The following CYP4B1 variants were observed in gnomAD, a reference collection of about 807,000 sequenced individuals.
CYP4B1 encodes the protein cytochrome P450 4B1.
Under a neutral mutation model 54.0 loss-of-function variants are expected in CYP4B1, and 45 were observed. The observed-to-expected ratio is 0.83, with a 90% CI of 0.66 to 1.07. The LOEUF (loss-of-function observed/expected upper bound fraction) is 1.07. CYP4B1 is among the 50% of genes least tolerant of loss of function. The pLI, the probability that CYP4B1 is intolerant of heterozygous loss-of-function variation, is 0.00. For missense variants in CYP4B1, 656 were observed against 655.4 expected (o/e 1.00, Z -0.01); for synonymous variants, 248 against 247.5 (o/e 1.00, Z -0.02).
intron 1 of CYP4B1, among the ~76,000 whole-genome samples, chr1:46,800,248 TCC>T (rs71307624): frequency 6.8e-4 from 55 of 81,078 alleles, no homozygotes; most frequent in African/African-American, 2.1e-3. Flanking sequence ...TTTCCTTCCT[TCC>T]TTCCTTCCTT....
chr1:46,816,568 G>A (rs1352856572), intron 8 of CYP4B1, among the ~76,000 whole-genome samples: 3 of 118,400 alleles, frequency 2.5e-5, no homozygotes, highest in Non-Finnish European at 5.5e-5. Context: ...CTTCCCGGTT[G>A]CCAAAGGGAA....
intron 1 of CYP4B1, among the ~76,000 whole-genome samples, chr1:46,803,936 G>A (rs1227114428): frequency 6.6e-6 from 1 of 152,228 alleles, no homozygotes; most frequent in Non-Finnish European, 1.5e-5. Flanking sequence ...ACATGTGTAT[G>A]AGTGTGGGTT....
chr1:46,817,077 C>A lies in CYP4B1; in HGVS notation c.1103C>A (p.Thr368Asn), dbSNP rs1464999733. ...WDDLGKMTYL[T>N]MCIKESFRLY... ...GATCTGGGCAAAATGACTTATCTGA[C>A]CATGTGCATCAAGGAGAGCTTCCGC... Residue 368 changes from threonine to asparagine, a missense_variant, in exon 9 of 12, where the codon ACC (threonine) becomes AAC (asparagine). Thr to Asn is a moderately conservative substitution (Grantham distance 65). Coordinates refer to ENST00000371923, the MANE Select transcript of CYP4B1 (RefSeq NM_001099772.2). 1.9e-6 allele frequency: 3 copies of A among 1,613,976 alleles called. No individual in the cohort carries two copies. In the African/African-American group the frequency reaches 4.0e-5, roughly 22 times the overall value.
intron 5 of CYP4B1, 105 bp from the exon 6 acceptor site, chr1:46,813,804 G>T: frequency 6.8e-7 from 1 of 1,476,672 alleles, no homozygotes; most frequent in South Asian, 1.2e-5. Flanking sequence ...GGGAGAAGAA[G>T]AGCAGGATGC....
At chr1:46,815,540 C>A (rs1029948154) in intron 8 of CYP4B1, 5 of 294,510 alleles carry the variant, frequency 1.7e-5, no homozygotes, top group Admixed American at 9.3e-5. Context: ...CTTCTTCTGA[C>A]GGTAGAACCT....
In CYP4B1 at chr1:46,818,674, G is replaced by A; in HGVS notation, c.1399G>A (p.Val467Ile). 6.2e-7 allele frequency: 1 copy of A among 1,614,206 alleles called. No homozygotes were observed. Among genetic ancestry groups the A allele is most frequent in the Non-Finnish European group, 8.5e-7 (1 of 1,180,038 alleles). Residue 467 changes from valine (V) to isoleucine (I), a missense_variant, in exon 12 of 12, where the codon GTC (valine) becomes ATC (isoleucine). Coordinates refer to ENST00000371923, the MANE Select transcript of CYP4B1 (RefSeq NM_001099772.2). ...GTTTGCCATGAGTGAGATGAAGGTG[G>A]TCACAGCCATGTGCTTGCTCCGCTT... ...QQFAMSEMKV[V>I]TAMCLLRFEF... is the part of the protein sequence containing the mutation.
chr1:46,809,119 TA>T (rs543714344), intron 1 of CYP4B1, among the ~76,000 whole-genome samples: 26,642 of 143,210 alleles, frequency 0.19, 2,367 homozygotes, highest in East Asian at 0.2. Context: ...TAAAGTATAA[TA>T]AAAAAAACCC....
chr1:46,817,055 C>G lies in CYP4B1; in HGVS notation c.1081C>G (p.Leu361Val), dbSNP rs1679362420. Reference sequence around the variant, plus strand: ...TGGTTGTGTTGCTGGCAGGGATGATCTGGGCAAAATGACTTATCTGACCAT... The same window carrying G: ...TGGTTGTGTTGCTGGCAGGGATGATGTGGGCAAAATGACTTATCTGACCAT... ...GDQDFFQWDD[L>V]GKMTYLTMCI... Residue 361 changes from leucine (L) to valine (V), a missense_variant, in exon 9 of 12, where the codon CTG (leucine) becomes GTG (valine). Transcript: ENST00000371923. The G allele has an allele frequency of 6.2e-7, 1 of 1,613,866 alleles. No individual in the cohort carries two copies.
Position 46,812,503 on chromosome 1 carries a change from C to G in CYP4B1, c.375C>G (p.Gly125=), listed in dbSNP as rs753069733. Residue 125 remains glycine, a synonymous_variant, in exon 4 of 12, where the codon GGC becomes GGG. Coordinates refer to ENST00000371923, the MANE Select transcript of CYP4B1 (RefSeq NM_001099772.2). ...YDFFLQWIGR[G]LLVLEGPKWL... ...CTCCCATCCCTTCCCCAGGGAGAGG[C>G]CTGCTGGTTCTTGAGGGGCCCAAGT... The G allele has an allele frequency of 1.9e-6, 3 of 1,612,662 alleles. No homozygotes were observed. The highest frequency in any genetic ancestry group is 1.3e-5 in the African/African-American group (1 of 74,904).
At chr1:46,803,530 T>TA (rs1249525600) in intron 1 of CYP4B1, among the ~76,000 whole-genome samples, 2 of 152,140 alleles carry the variant, frequency 1.3e-5, no homozygotes, top group Non-Finnish European at 2.9e-5. Flanking sequence ...AGGAGAGCCA[T>TA]AAGACTGGAT....
chr1:46,800,795 T>A (rs372912286), intron 1 of CYP4B1, among the ~76,000 whole-genome samples: 1 of 152,204 alleles, frequency 6.6e-6, no homozygotes, highest in African/African-American at 2.4e-5. Context: ...GATAACCCTG[T>A]AACATGCATC....
intron 8 of CYP4B1, 98 bp from the exon 9 acceptor site, chr1:46,816,950 T>C: frequency 1.5e-6 from 2 of 1,360,186 alleles, no homozygotes; most frequent in Non-Finnish European, 2.1e-6. Context: ...CTTGAGTGTG[T>C]GGTGGTGGTG....
rs140074148 is a variant in CYP4B1 at position 46,814,170 on chromosome 1, T to C, written c.776-39T>C. The C allele has an allele frequency of 3.5e-4, 560 of 1,612,360 alleles. 7 individuals are homozygous for C. In the East Asian group the frequency reaches 0.012, roughly 35 times the overall value. On this transcript the variant is annotated intron_variant, in intron 6 of 11. Coordinates refer to ENST00000371923, the MANE Select transcript of CYP4B1 (RefSeq NM_001099772.2). ...CCCCAGTTCCCCTTTGGACAAAAGA[T>C]GGCTTCCCAGGCAGTGACACTCTGT...
chr1:46,801,551 G>C (rs567591872), intron 1 of CYP4B1, among the ~76,000 whole-genome samples: 1 of 152,128 alleles, frequency 6.6e-6, no homozygotes, highest in East Asian at 1.9e-4. Flanking sequence ...AGGTTGAGCA[G>C]ACAAAGGCTG....
chr1:46,812,948 G>A (rs1319693991), intron 4 of CYP4B1, among the ~76,000 whole-genome samples: 3 of 152,194 alleles, frequency 2.0e-5, no homozygotes, highest in Non-Finnish European at 4.4e-5. Context: ...TTTGAGGACT[G>A]CCTATATTTG....
intron 2 of CYP4B1, 79 bp from the exon 3 acceptor site, chr1:46,811,061 G>A: frequency 6.2e-7 from 1 of 1,603,764 alleles, no homozygotes; most frequent in South Asian, 1.1e-5. Context: ...CTGCGGAGCT[G>A]AGGTTCCCAC....
chr1:46,816,236 A>G (rs1178161306), intron 8 of CYP4B1, among the ~76,000 whole-genome samples: 1 of 152,168 alleles, frequency 6.6e-6, no homozygotes, highest in Non-Finnish European at 1.5e-5. Flanking sequence ...GAGAAAAATC[A>G]CAGGATCACG....
chr1:46,815,323 T>C, intron 8 of CYP4B1, 59 bp downstream of exon 8: 1 of 1,459,544 alleles, frequency 6.9e-7, no homozygotes, highest in Non-Finnish European at 9.2e-7. Context: ...GCGATGCCCA[T>C]CCTGTCCTGA....
At chr1:46,816,338 A>G (rs981386929) in intron 8 of CYP4B1, among the ~76,000 whole-genome samples, 4 of 152,204 alleles carry the variant, frequency 2.6e-5, no homozygotes, top group Non-Finnish European at 5.9e-5. Flanking sequence ...AGAGGTAGGC[A>G]TTGTAGGCTG....
Sources: gnomAD v4.1 joint callset for allele counts (sites outside exome capture counted in the v4.1 genomes callset) on GRCh38, gnomAD v4.1.1 for gene constraint, MANE v1.5 for transcripts, NCBI Gene and HGNC (gene_info 2026-07-23, HGNC 2026-07-21) for gene names.